Variants in RTL9 observed in about 807,000 individuals in gnomAD.
RTL9 encodes the protein retrotransposon Gag-like protein 9.
Under a neutral mutation model 44.7 loss-of-function variants are expected in RTL9, and 19 were observed. That is an observed-to-expected ratio of 0.42 (90% CI 0.30 to 0.62). The LOEUF (loss-of-function observed/expected upper bound fraction) is 0.62. Ranked by LOEUF, RTL9 falls within the 20% of genes least tolerant of loss-of-function variation. The pLI is 0.16. For missense variants in RTL9, 1,105 were observed against 1,080.6 expected, an observed-to-expected ratio of 1.02 and a Z score of -0.32; for synonymous variants, 407 against 398.9, an observed-to-expected ratio of 1.02 and a Z score of -0.24.
intron 1 of RTL9, among the ~76,000 whole-genome samples, chrX:110,426,350 A>T (rs762632302): frequency 8.9e-6 from 1 of 111,930 alleles, no homozygotes; most frequent in South Asian, 3.8e-4. Context: ...CTAATGGACA[A>T]TTATCCCATC....
upstream of RTL9, among the ~76,000 whole-genome samples, chrX:110,447,111 C>CTTTGTTTTTT (rs2068912391): frequency 5.4e-5 from 2 of 36,827 alleles, no homozygotes; most frequent in African/African-American, 3.1e-4. Context: ...TATTCTGTGA[C>CTTTGTTTTTT]TTTTTTTTTT....
chrX:110,389,452 A>G (rs769907879), intron 1 of RTL9, among the ~76,000 whole-genome samples: 1 of 112,305 alleles, frequency 8.9e-6, no homozygotes, highest in South Asian at 3.7e-4. Context: ...GTCTGCCACA[A>G]GTTGGCTTGC....
At chrX:110,428,121 A>T (rs1486247929) in intron 1 of RTL9, among the ~76,000 whole-genome samples, 2 of 112,129 alleles carry the variant, frequency 1.8e-5, no homozygotes, top group African/African-American at 6.5e-5. Context: ...CACACAGTAG[A>T]TGTTCCATGA....
intron 1 of RTL9, among the ~76,000 whole-genome samples, chrX:110,401,236 G>C (rs1475687582): frequency 1.8e-5 from 2 of 111,364 alleles, no homozygotes; most frequent in Non-Finnish European, 3.8e-5. Flanking sequence ...TCCCTCGCTT[G>C]TGTGTATGGT....
chrX:110,385,189 A>G (rs2068446708), intron 1 of RTL9, among the ~76,000 whole-genome samples: 1 of 111,368 alleles, frequency 9.0e-6, no homozygotes, highest in Non-Finnish European at 1.9e-5. Flanking sequence ...TCATTTCTCC[A>G]TCTATCAAAT....
chrX:110,378,481 T>C (rs2068394744), intron 1 of RTL9, among the ~76,000 whole-genome samples: 1 of 112,058 alleles, frequency 8.9e-6, no homozygotes, highest in Non-Finnish European at 1.9e-5. Context: ...GTTTCCCTTT[T>C]GCCTAATGAG....
chrX:110,453,136 C>A, exon 1 of RTL9: 1 of 1,211,441 alleles, frequency 8.3e-7, no homozygotes, highest in South Asian at 1.8e-5. Flanking sequence ...GTGAAGGCTC[C>A]CATCTCTGGA....
At chrX:110,452,262 A>G in exon 1 of RTL9, 2 of 1,211,808 alleles carry the variant, frequency 1.7e-6, no homozygotes, top group South Asian at 1.8e-5. Flanking sequence ...CTCTGAAGCA[A>G]TGTCCATGCC....
At chrX:110,392,303 G>T (rs184155686) in intron 1 of RTL9, among the ~76,000 whole-genome samples, 89 of 98,356 alleles carry the variant, frequency 9.0e-4, no homozygotes, top group African/African-American at 3.1e-3. Flanking sequence ...TTGAGACAAG[G>T]TCTCACTCTA....
upstream of RTL9, among the ~76,000 whole-genome samples, chrX:110,447,999 G>C (rs2068917699): frequency 8.9e-6 from 1 of 112,015 alleles, no homozygotes; most frequent in Non-Finnish European, 1.9e-5. Context: ...CTGTAGCCAT[G>C]TTTGTATGAA....
intron 1 of RTL9, among the ~76,000 whole-genome samples, chrX:110,410,682 T>C (rs1239839900): frequency 9.0e-6 from 1 of 111,426 alleles, no homozygotes; most frequent in Non-Finnish European, 1.9e-5. Context: ...TTGGGAAGCA[T>C]GGAGGGAGAA....
chrX:110,370,022 C>T (rs189198713), intron 1 of RTL9, among the ~76,000 whole-genome samples: 45 of 110,348 alleles, frequency 4.1e-4, no homozygotes, highest in African/African-American at 1.5e-3. Context: ...AGTAAGAAAC[C>T]ACTATATTGA....
At chrX:110,434,361 T>C (rs1172863376) in intron 1 of RTL9, among the ~76,000 whole-genome samples, 1 of 111,003 alleles carries the variant, frequency 9.0e-6, no homozygotes, top group Non-Finnish European at 1.9e-5. Context: ...CTTACCAGGG[T>C]GTTGAAAGAT....
At chrX:110,377,364 G>A (rs1167509975) in intron 1 of RTL9, among the ~76,000 whole-genome samples, 1 of 111,596 alleles carries the variant, frequency 9.0e-6, no homozygotes, top group East Asian at 2.8e-4. Context: ...GCGAAACACC[G>A]ATACCTACAG....
At position 110,372,001 on chromosome X, in the gene RTL9, T is replaced by C. The variant is rs1464798708; in HGVS notation, c.-168+13085T>C. Among the ~76,000 whole-genome samples the C allele has an allele frequency of 1.1e-4, 12 of 111,823 alleles. No homozygotes were observed. In the Admixed American group the frequency reaches 1.1e-3, roughly 11 times the overall value. On this transcript the variant is annotated intron_variant, in intron 1 of 2. Transcript: ENST00000520821. ...GTTACCAATGCCTTCAACTCCCTTGTGTACTTGGTGTACTCCCCATTGTTA... is the reference window on the plus strand; with the variant it reads ...GTTACCAATGCCTTCAACTCCCTTGCGTACTTGGTGTACTCCCCATTGTTA...
intron 1 of RTL9, among the ~76,000 whole-genome samples, chrX:110,374,097 A>G (rs2148265851): frequency 8.9e-6 from 1 of 112,384 alleles, no homozygotes; most frequent in East Asian, 2.8e-4. Context: ...ATATTCAAAG[A>G]GAAATAGCTG....
At chrX:110,443,661 G>C (rs1478789181) in intron 1 of RTL9, among the ~76,000 whole-genome samples, 1 of 112,308 alleles carries the variant, frequency 8.9e-6, no homozygotes, top group East Asian at 2.8e-4. Flanking sequence ...ACAGAAGATT[G>C]GGATGAATGC....
At chrX:110,401,582 G>C (rs756037424) in intron 1 of RTL9, among the ~76,000 whole-genome samples, 18 of 111,722 alleles carry the variant, frequency 1.6e-4, no homozygotes, top group Non-Finnish European at 3.4e-4. Context: ...CTGTGTTGTG[G>C]TAAGGGGAAG....
Position 110,373,148 on chromosome X carries a change from C to A in RTL9, c.-168+14232C>A, listed in dbSNP as rs182190051. Among the ~76,000 whole-genome samples the A allele has an allele frequency of 2.8e-3, 311 of 111,621 alleles. 2 individuals carry two copies. Among genetic ancestry groups the A allele is most frequent in the Non-Finnish European group, 2.0e-3 (107 of 53,073 alleles). ...GGGAGTAAAACGTTTAAGTAACTTG[C>A]GCAGCTAGGAGGTGGCAGCTCTAAA... On this transcript the variant is annotated intron_variant, in intron 1 of 2. Coordinates refer to the RTL9 transcript ENST00000520821.
Sources: gnomAD v4.1 joint callset for allele counts (sites outside exome capture counted in the v4.1 genomes callset) on GRCh38, gnomAD v4.1.1 for gene constraint, MANE v1.5 for transcripts, NCBI Gene and HGNC (gene_info 2026-07-23, HGNC 2026-07-21) for gene names.